The following EIF4ENIF1 variants were observed in gnomAD, a reference collection of about 807,000 sequenced individuals.
EIF4ENIF1 encodes eukaryotic translation initiation factor 4E nuclear import factor 1.
EIF4ENIF1 carries 23 observed loss-of-function variants against 110.5 expected under a neutral mutation model. That is an observed-to-expected ratio of 0.21 (90% CI 0.15 to 0.29). EIF4ENIF1 has a LOEUF of 0.29. EIF4ENIF1 is among the 10% of genes least tolerant of loss of function. The probability of loss-of-function intolerance (pLI) is 1.00; values close to 1 mark genes in which losing one functional copy is unlikely to be tolerated. For synonymous variants in EIF4ENIF1, 440 were observed against 437.0 expected (o/e 1.01, Z -0.09); for missense variants, 1,031 against 1,221.1 (o/e 0.84, Z 2.32).
chr22:31,490,264 T>C (rs2052226192), upstream of EIF4ENIF1, among the ~76,000 whole-genome samples: 1 of 152,214 alleles, frequency 6.6e-6, no homozygotes. Flanking sequence ...CGACGACCGC[T>C]GTATTTGCAT....
At chr22:31,447,119 G>C (rs1434688732) in intron 14 of EIF4ENIF1, 1 of 398,044 alleles carries the variant, frequency 2.5e-6, no homozygotes, top group Non-Finnish European at 4.8e-6. Flanking sequence ...ACAATCTTGT[G>C]AGGTAAATTA....
chr22:31,464,443 G>A (rs1031419914), intron 4 of EIF4ENIF1, among the ~76,000 whole-genome samples: 10 of 151,572 alleles, frequency 6.6e-5, no homozygotes, highest in Non-Finnish European at 1.3e-4. Flanking sequence ...ACTTTGGGAC[G>A]TCAAGGCAGG....
At chr22:31,480,929 G>A (rs987032137) in intron 2 of EIF4ENIF1, among the ~76,000 whole-genome samples, 1 of 152,068 alleles carries the variant, frequency 6.6e-6, no homozygotes, top group African/African-American at 2.4e-5. Context: ...TGGGCATGGT[G>A]GCACACACCT....
intron 2 of EIF4ENIF1, among the ~76,000 whole-genome samples, chr22:31,476,949 GA>G (rs1393300593): frequency 1.4e-5 from 2 of 142,618 alleles, no homozygotes; most frequent in Non-Finnish European, 3.0e-5. Flanking sequence ...AGTGAGCCAA[GA>G]CTGCACCCTT....
intron 2 of EIF4ENIF1, among the ~76,000 whole-genome samples, chr22:31,474,683 A>G (rs1197144064): frequency 2.0e-5 from 3 of 152,044 alleles, no homozygotes; most frequent in Non-Finnish European, 4.4e-5. Context: ...AAATATACAC[A>G]CTTACATATA....
At chr22:31,437,453 C>CCT (rs1057126807), downstream of EIF4ENIF1, 2 of 119,396 alleles carry the variant, frequency 1.7e-5, no homozygotes, top group African/African-American at 3.1e-5. Flanking sequence ...GCCTTCATCC[C>CCT]CCCCCCACCC....
At chr22:31,445,628 A>G (rs2050438184) in intron 14 of EIF4ENIF1, among the ~76,000 whole-genome samples, 2 of 152,222 alleles carry the variant, frequency 1.3e-5, no homozygotes, top group East Asian at 3.9e-4. Flanking sequence ...GGTTCTTGGA[A>G]TACAGCAGTG....
chr22:31,466,277 G>C (rs1045416447), intron 4 of EIF4ENIF1, among the ~76,000 whole-genome samples: 3 of 152,212 alleles, frequency 2.0e-5, no homozygotes, highest in Non-Finnish European at 4.4e-5. Context: ...GCCAGGCATG[G>C]TGGCGCACGC....
chr22:31,444,414 C>G (rs1183552419), intron 15 of EIF4ENIF1, 192 bp downstream of exon 15: 1 of 569,502 alleles, frequency 1.8e-6, no homozygotes, highest in African/African-American at 1.9e-5. Context: ...AATATAGGGG[C>G]TTCATTAAAA....
intron 2 of EIF4ENIF1, among the ~76,000 whole-genome samples, chr22:31,476,733 G>A (rs1423568294): frequency 6.6e-6 from 1 of 151,920 alleles, no homozygotes; most frequent in East Asian, 1.9e-4. Context: ...CTACTTGGGA[G>A]ACTCAGGCAG....
chr22:31,464,041 A>G (rs1008427279), intron 4 of EIF4ENIF1, 74 bp from the exon 5 acceptor site: 22 of 1,512,038 alleles, frequency 1.5e-5, no homozygotes, highest in Non-Finnish European at 1.9e-5. Context: ...TAGTATGTCC[A>G]TGACTGATGG....
chr22:31,476,110 G>A (rs911527380), intron 2 of EIF4ENIF1, among the ~76,000 whole-genome samples: 1 of 152,072 alleles, frequency 6.6e-6, no homozygotes, highest in Admixed American at 6.6e-5. Context: ...TAATGCTACA[G>A]GAAAAACCAC....
At chr22:31,491,028 T>A (rs946816598), upstream of EIF4ENIF1, among the ~76,000 whole-genome samples, 10 of 152,218 alleles carry the variant, frequency 6.6e-5, no homozygotes, top group Admixed American at 5.9e-4. Context: ...ACAAACTGTT[T>A]TTTTACAGGC....
intron 11 of EIF4ENIF1, among the ~76,000 whole-genome samples, chr22:31,449,998 T>C (rs1032701307): frequency 3.9e-5 from 6 of 152,208 alleles, no homozygotes; most frequent in Non-Finnish European, 7.4e-5. Flanking sequence ...CCCAAAGTGC[T>C]GAGATTACAG....
intron 10 of EIF4ENIF1, among the ~76,000 whole-genome samples, chr22:31,452,902 C>T (rs2050716949): frequency 6.6e-6 from 1 of 152,182 alleles, no homozygotes; most frequent in Admixed American, 6.5e-5. Flanking sequence ...AATGGAACCT[C>T]TGTCTGTCCT....
At chr22:31,481,328 A>ATTTT (rs35792669) in intron 2 of EIF4ENIF1, among the ~76,000 whole-genome samples, 1 of 147,630 alleles carries the variant, frequency 6.8e-6, no homozygotes, top group African/African-American at 2.5e-5. Flanking sequence ...ACCTCTGGCA[A>ATTTT]TTTTTTTTTT....
intron 8 of EIF4ENIF1, 97 bp from the exon 9 acceptor site, chr22:31,455,412 T>C (rs1233630579): frequency 2.2e-5 from 23 of 1,068,552 alleles, no homozygotes; most frequent in South Asian, 5.7e-5. Context: ...TTTTTTTTTT[T>C]CTTTGAGATG....
chr22:31,441,867 C>T lies in EIF4ENIF1; in HGVS notation c.2458G>A (p.Val820Ile), dbSNP rs774988377. 5.0e-6 allele frequency: 8 copies of T among 1,614,108 alleles called. No homozygotes were observed. In the South Asian group the frequency reaches 7.7e-5, roughly 16 times the overall value. The change falls in exon 17 of 19, where the codon GTT becomes ATT. Residue 820 changes from valine (V) to isoleucine (I), a missense_variant. Physicochemically the swap from Val to Ile is conservative, Grantham distance 29. Transcript: ENST00000330125. ...GGGTGAAGCTGGTGAGCAGGCCTAA[C>T]CATAGGGACATGGGGGACAAGGGGA... The part of the protein sequence containing the change: ...QVPLVPHVPM[V>I]RPAHQLHPGL...
chr22:31,446,891 A>G, intron 14 of EIF4ENIF1: 1 of 351,726 alleles, frequency 2.8e-6, no homozygotes, highest in South Asian at 2.2e-5. Context: ...CGAAAAAGAG[A>G]AGAGTGAACT....
Sources: gnomAD v4.1 joint callset for allele counts (sites outside exome capture counted in the v4.1 genomes callset) on GRCh38, gnomAD v4.1.1 for gene constraint, MANE v1.5 for transcripts, NCBI Gene and HGNC (gene_info 2026-07-23, HGNC 2026-07-21) for gene names.